UACA: variants seen among roughly 807,000 people sequenced by gnomAD.
UACA encodes the protein nuclear membrane binding protein.
A neutral mutation model predicts 160.5 loss-of-function variants in UACA; 112 were observed. The ratio of observed to expected loss-of-function variants is 0.70; its 90% CI spans 0.60 to 0.82. UACA has a LOEUF of 0.82. Among genes scored for constraint, UACA ranks in the 40% least tolerant of loss-of-function variants. The pLI is 0.00. For missense variants in UACA, 1,574 were observed against 1,614.6 expected, an observed-to-expected ratio of 0.97 and a Z score of 0.43; for synonymous variants, 557 against 568.4, an observed-to-expected ratio of 0.98 and a Z score of 0.29.
chr15:70,755,949 C>A lies in UACA; in HGVS notation c.78+7381G>T, dbSNP rs980855931. 2.0e-5 allele frequency among the ~76,000 whole-genome samples: 3 copies of A among 152,220 alleles called. No homozygotes were observed. The East Asian group carries it at 5.8e-4, about 29-fold the overall frequency. ...CCAAGCTCACACTCTACCTTTCAAC[C>A]TTTTTATGGGCTCACTCTACACTCT... On this transcript the variant is annotated intron_variant, in intron 1 of 18. Transcript: ENST00000322954.
rs150709937 is a variant in UACA at position 70,668,203 on chromosome 15, C to G, written c.2481G>C (p.Leu827=). The G allele has an allele frequency of 5.0e-6, 8 of 1,611,664 alleles. No individual in the cohort carries two copies. The East Asian group carries it at 1.3e-4, about 27-fold the overall frequency. The change falls in exon 16 of 19, where the codon CTG becomes CTC. Residue 827 remains leucine (L), a synonymous_variant. Transcript: ENST00000322954. ...KSNIVELKKQ[L]SELKKKCGED... Reference sequence around the variant, plus strand: ...CACCACATTTTTTCTTAAGTTCAGACAGCTGTTTCTTAAGTTCAACAATAT... The same window carrying G: ...CACCACATTTTTTCTTAAGTTCAGAGAGCTGTTTCTTAAGTTCAACAATAT...
intron 1 of UACA, among the ~76,000 whole-genome samples, chr15:70,753,219 G>A (rs1306767912): frequency 3.9e-5 from 6 of 152,140 alleles, no homozygotes; most frequent in Middle Eastern, 6.8e-3. Context: ...AGAAATGAAC[G>A]CAGCCAATAA....
intron 1 of UACA, chr15:70,703,077 C>A: frequency 7.8e-7 from 1 of 1,284,166 alleles, no homozygotes; most frequent in African/African-American, 1.5e-5. Flanking sequence ...CATTTGGGGA[C>A]AAAGCAGATA....
intron 17 of UACA, 90 bp from the exon 18 acceptor site, chr15:70,660,306 T>C: frequency 9.5e-7 from 1 of 1,055,236 alleles, no homozygotes; most frequent in East Asian, 2.5e-5. Flanking sequence ...TACAAAACTA[T>C]TATTATTATT....
chr15:70,741,583 A>G (rs1431791269), intron 1 of UACA, among the ~76,000 whole-genome samples: 2 of 152,222 alleles, frequency 1.3e-5, no homozygotes, highest in Non-Finnish European at 1.5e-5. Context: ...GTAGTTTCTA[A>G]TTTAAGCATG....
At chr15:70,723,826 G>C (rs936026009) in intron 1 of UACA, among the ~76,000 whole-genome samples, 1 of 151,938 alleles carries the variant, frequency 6.6e-6, no homozygotes, top group African/African-American at 2.4e-5. Flanking sequence ...TAGAGACGGG[G>C]TTTCATCATG....
rs764380928 is a variant in UACA at position 70,690,483 on chromosome 15, A to G, written c.395T>C (p.Leu132Pro). ...ATCGTGAAGTGCAGTTCTTCCCTGC[A>G]GGTCTGCATGCTCAGTGGGACAATT... ...QYNCPTEHAD[L>P]QGRTALHDAA... Residue 132 changes from leucine (L) to proline (P), a missense_variant, in exon 5 of 19, where the codon CTG becomes CCG. Physicochemically the swap from Leu to Pro is moderately conservative, Grantham distance 98 (BLOSUM62 -3). Coordinates refer to ENST00000322954, the MANE Select transcript of UACA (RefSeq NM_018003.4). 2 of 1,613,166 alleles carry G rather than the reference A, an allele frequency of 1.2e-6. No homozygotes were observed. The highest frequency in any genetic ancestry group is 2.2e-5 in the East Asian group (1 of 44,826).
chr15:70,712,976 C>A (rs1898726547), intron 1 of UACA, among the ~76,000 whole-genome samples: 1 of 152,196 alleles, frequency 6.6e-6, no homozygotes, highest in Non-Finnish European at 1.5e-5. Flanking sequence ...GCCCAAGTCT[C>A]TCTTCCCATG....
chr15:70,666,774 G>T lies in UACA; in HGVS notation c.3910C>A (p.Gln1304Lys). The T allele has an allele frequency of 1.2e-6, 2 of 1,610,328 alleles. No homozygotes were observed. The highest frequency in any genetic ancestry group is 1.7e-6 in the Non-Finnish European group (2 of 1,179,166). Residue 1304 changes from glutamine (Q) to lysine (K), a missense_variant, in exon 16 of 19, where the codon CAA becomes AAA. Coordinates refer to ENST00000322954, the MANE Select transcript of UACA (RefSeq NM_018003.4). ...DKSLTTITEL[Q>K]RRIQESAKQI... Reference sequence around the variant, plus strand: ...TTAGCAGATTCTTGTATTCTTCTTTGTAACTCTGTGATTGTTGTTAAGGAC... The same window carrying T: ...TTAGCAGATTCTTGTATTCTTCTTTTTAACTCTGTGATTGTTGTTAAGGAC...
chr15:70,725,193 C>T (rs1283375052), intron 1 of UACA, among the ~76,000 whole-genome samples: 1 of 152,116 alleles, frequency 6.6e-6, no homozygotes, highest in Non-Finnish European at 1.5e-5. Context: ...CCAAAAGCTG[C>T]ATAATGATAT....
chr15:70,750,542 A>G (rs1352579389), intron 1 of UACA, among the ~76,000 whole-genome samples: 2 of 152,068 alleles, frequency 1.3e-5, no homozygotes, highest in African/African-American at 2.4e-5. Context: ...CCTTTCCTAG[A>G]TCACTCCTAT....
At chr15:70,722,873 T>A (rs574071315) in intron 1 of UACA, among the ~76,000 whole-genome samples, 1 of 152,202 alleles carries the variant, frequency 6.6e-6, no homozygotes, top group East Asian at 1.9e-4. Context: ...TTGAAAAAAA[T>A]TAAGGTGGCA....
chr15:70,696,450 T>C (rs1331714539), intron 2 of UACA, among the ~76,000 whole-genome samples: 1 of 152,134 alleles, frequency 6.6e-6, no homozygotes. Context: ...GGAGACAAAA[T>C]CTGAAGATAG....
chr15:70,690,141 T>G (rs534655217), intron 5 of UACA, among the ~76,000 whole-genome samples: 7 of 151,516 alleles, frequency 4.6e-5, no homozygotes, highest in Admixed American at 1.3e-4. Context: ...GCACACACAT[T>G]CTCTCTCTGT....
chr15:70,775,172 A>G, the UACA span, among the ~76,000 whole-genome samples: 3 of 152,264 alleles, frequency 2.0e-5, no homozygotes, highest in Admixed American at 2.0e-4. Context: ...AGACTCAACC[A>G]GTAGTATACT....
At chr15:70,776,463 T>C in the UACA span, among the ~76,000 whole-genome samples, 6 of 149,634 alleles carry the variant, frequency 4.0e-5, no homozygotes, top group East Asian at 1.2e-3. Flanking sequence ...AGCCTCACTC[T>C]GTCACCCAGG....
intron 1 of UACA, chr15:70,702,257 A>C (rs1278331056): frequency 1.9e-6 from 2 of 1,059,802 alleles, no homozygotes; most frequent in Non-Finnish European, 1.1e-6. Context: ...CTTGAACAGC[A>C]CTCTGCATCC....
At chr15:70,749,285 G>C (rs751420215) in intron 1 of UACA, 14 of 396,140 alleles carry the variant, frequency 3.5e-5, no homozygotes, top group South Asian at 5.7e-5. Flanking sequence ...CCAGCACTTT[G>C]GGAGGCCGAA....
intron 1 of UACA, among the ~76,000 whole-genome samples, chr15:70,714,466 A>T (rs1238768727): frequency 6.6e-6 from 1 of 152,260 alleles, no homozygotes; most frequent in Non-Finnish European, 1.5e-5. Flanking sequence ...TATGATTTGA[A>T]AGTATGTAGT....
Sources: gnomAD v4.1 joint callset for allele counts (sites outside exome capture counted in the v4.1 genomes callset) on GRCh38, gnomAD v4.1.1 for gene constraint, MANE v1.5 for transcripts, NCBI Gene and HGNC (gene_info 2026-07-23, HGNC 2026-07-21) for gene names.